TLL2: variants seen among roughly 807,000 people sequenced by gnomAD.
The protein encoded by TLL2 is tolloid like 2.
Under a neutral mutation model 123.0 loss-of-function variants are expected in TLL2, and 106 were observed. The observed-to-expected ratio is 0.86, with a 90% confidence interval of 0.74 to 1.01. The LOEUF is 1.01. TLL2 is among the 50% of genes least tolerant of loss of function. The probability of loss-of-function intolerance (pLI) is 0.00; values close to 1 mark genes in which losing one functional copy is unlikely to be tolerated. For missense variants in TLL2, 1,332 were observed against 1,336.7 expected, an observed-to-expected ratio of 1.00 and a Z score of 0.06; for synonymous variants, 494 against 516.8, an observed-to-expected ratio of 0.96 and a Z score of 0.60.
At chr10:96,378,614 C>A (rs546557242) in intron 17 of TLL2, among the ~76,000 whole-genome samples, 7 of 152,326 alleles carry the variant, frequency 4.6e-5, no homozygotes, top group Non-Finnish European at 1.0e-4. Context: ...TATGTTTAGA[C>A]CCTTTTAACT....
At chr10:96,513,413 G>A in intron 1 of TLL2, 98 bp downstream of exon 1, 1 of 1,499,744 alleles carries the variant, frequency 6.7e-7, no homozygotes, top group Non-Finnish European at 9.0e-7. Context: ...GGAGGGGAGG[G>A]GAGACCCGCC....
At chr10:96,501,148 T>A (rs1287174212) in intron 1 of TLL2, among the ~76,000 whole-genome samples, 1 of 152,254 alleles carries the variant, frequency 6.6e-6, no homozygotes, top group Non-Finnish European at 1.5e-5. Context: ...TTACTTCTAC[T>A]TGCTGTATGC....
chr10:96,445,000 T>A lies in TLL2; in HGVS notation c.364+1091A>T, dbSNP rs185710019. 4.8e-3 allele frequency among the ~76,000 whole-genome samples: 724 copies of A among 152,200 alleles called. 3 individuals carry two copies. The highest frequency in any genetic ancestry group is 0.017 in the African/African-American group (685 of 41,500). ...GTCAGCAGACCGAGACCATCCTGGC[T>A]AACACGGTGAAACCCCGTCTCTACT... On this transcript the variant is annotated intron_variant, in intron 3 of 20. Transcript: ENST00000357947.
chr10:96,376,573 C>G (rs1416625668), intron 18 of TLL2, 119 bp downstream of exon 18: 19 of 1,091,486 alleles, frequency 1.7e-5, no homozygotes, highest in Non-Finnish European at 2.3e-5. Flanking sequence ...GAAACTGAGA[C>G]CTGGAAATGT....
chr10:96,480,349 C>T lies in TLL2; in HGVS notation c.286G>A (p.Gly96Ser). Residue 96 changes from glycine (G) to serine (S), a missense_variant and splice_region_variant, in exon 2 of 21, where the codon GGT (glycine) becomes AGT (serine). Coordinates refer to ENST00000357947, the MANE Select transcript of TLL2 (RefSeq NM_012465.4). ...QTVGATGHST[G>S]GLEEQASESS... is the part of the protein sequence containing the mutation. ...GGAGAAGGGAGGAAGCAGTACCTAC[C>T]TGTGCTGTGTCCTGTTGCCCCCACT... The T allele has an allele frequency of 1.2e-6, 2 of 1,613,864 alleles. No individual in the cohort carries two copies. Among genetic ancestry groups the T allele is most frequent in the Non-Finnish European group, 1.7e-6 (2 of 1,179,736 alleles).
At chr10:96,399,825 A>T (rs1433942709) in intron 10 of TLL2, among the ~76,000 whole-genome samples, 1 of 152,182 alleles carries the variant, frequency 6.6e-6, no homozygotes, top group East Asian at 1.9e-4. Flanking sequence ...TCCAAAAGAG[A>T]GGGAGACTTT....
chr10:96,387,373 A>G (rs1399165807), intron 13 of TLL2, among the ~76,000 whole-genome samples: 1 of 152,214 alleles, frequency 6.6e-6, no homozygotes, highest in Non-Finnish European at 1.5e-5. Context: ...CGGTCATTTG[A>G]GACTTCAAAA....
rs1318014057 is a variant in TLL2 at position 96,364,737 on chromosome 10, G to A, written c.*3351C>T. 1 of 152,546 alleles carries A rather than the reference G, an allele frequency of 6.6e-6. No individual in the cohort carries two copies. The highest frequency in any genetic ancestry group is 6.5e-5 in the Admixed American group (1 of 15,286). The allele number at this position is 152,546 out of a possible 1,614,324, so 9.4% of individuals were successfully genotyped here. On this transcript the variant is annotated 3_prime_UTR_variant, in exon 21 of 21. Coordinates refer to ENST00000357947, the MANE Select transcript of TLL2 (RefSeq NM_012465.4). ...TACACAAAATAAAAAATACCCATAT[G>A]TTTACATATAATACTTTAAACAATT...
At chr10:96,414,494 C>T (rs1846535445) in intron 7 of TLL2, among the ~76,000 whole-genome samples, 1 of 152,094 alleles carries the variant, frequency 6.6e-6, no homozygotes, top group Non-Finnish European at 1.5e-5. Context: ...ATGGCTCTCT[C>T]TGAGCAGTGA....
chr10:96,387,408 G>T (rs1393907758), intron 13 of TLL2, among the ~76,000 whole-genome samples: 2 of 152,190 alleles, frequency 1.3e-5, no homozygotes, highest in East Asian at 3.8e-4. Flanking sequence ...CCATACCAAA[G>T]ACTTCATCCA....
At position 96,368,171 on chromosome 10, in the gene TLL2, T is replaced by C; in HGVS notation, c.2965A>G (p.Thr989Ala). The change falls in exon 21 of 21, where the codon ACA becomes GCA. Residue 989 changes from threonine (T) to alanine (A), a missense_variant. Transcript: ENST00000357947. ...CCTTTCTTGTTGATGGTGTCATCTG[T>C]GCGGAATCGAATCATCAGGGAATCA... Reference protein sequence around the residue: ...AGDSLMIRFRTDDTINKKGFH... With the variant: ...AGDSLMIRFRADDTINKKGFH... 1 of 1,614,202 alleles carries C rather than the reference T, an allele frequency of 6.2e-7. No individual in the cohort carries two copies. The highest frequency in any genetic ancestry group is 8.5e-7 in the Non-Finnish European group (1 of 1,180,036).
chr10:96,476,240 A>ATATATATATATATTTTTTTTTTT lies in TLL2; in HGVS notation c.286+4108_286+4109insAAAAAAAAAAATATATATATATA. 1.2e-3 allele frequency among the ~76,000 whole-genome samples: 25 copies of ATATATATATATATTTTTTTTTTT among 20,464 alleles called. 4 individuals carry two copies. The highest frequency in any genetic ancestry group is 1.9e-3 in the Non-Finnish European group (19 of 9,990). The allele number at this position is 20,464 out of a possible 152,430, so 13.4% of individuals were successfully genotyped here. A position where few individuals can be genotyped will look rare whatever the true frequency, so the allele number is the denominator to read the frequency against. On this transcript the variant is annotated intron_variant, in intron 2 of 20. Coordinates refer to ENST00000357947, the MANE Select transcript of TLL2 (RefSeq NM_012465.4). ...TTTATATGTATATATATATATATAT[A>ATATATATATATATTTTTTTTTTT]TTTTATTTTTGTTGTTGTTGTTGTT...
chr10:96,451,025 C>T (rs1846953880), intron 2 of TLL2, among the ~76,000 whole-genome samples: 1 of 152,142 alleles, frequency 6.6e-6, no homozygotes. Context: ...GAATGCCCTC[C>T]AGGCCTTGAA....
At chr10:96,486,072 G>T (rs1340815390) in intron 1 of TLL2, among the ~76,000 whole-genome samples, 1 of 152,154 alleles carries the variant, frequency 6.6e-6, no homozygotes, top group Admixed American at 6.5e-5. Flanking sequence ...GTGCTCACAT[G>T]TTCCTGAATC....
intron 6 of TLL2, among the ~76,000 whole-genome samples, chr10:96,422,104 G>C (rs1846630280): frequency 1.3e-5 from 2 of 151,840 alleles, no homozygotes; most frequent in African/African-American, 4.8e-5. Flanking sequence ...TTTCTAGGCA[G>C]AAACACTGTT....
chr10:96,388,841 G>T (rs4919009), intron 13 of TLL2, among the ~76,000 whole-genome samples: 140,509 of 152,266 alleles, frequency 0.92, 65,488 homozygotes, highest in East Asian at 1. Context: ...TTTCACATAG[G>T]GGACAGTGAA....
intron 2 of TLL2, among the ~76,000 whole-genome samples, chr10:96,460,905 C>T (rs764759432): frequency 4.6e-5 from 7 of 152,128 alleles, no homozygotes; most frequent in African/African-American, 4.8e-5. Context: ...AGGAAGCAGG[C>T]GCTACCCAGA....
chr10:96,389,272 G>A (rs746453331), intron 13 of TLL2, among the ~76,000 whole-genome samples: 6 of 152,168 alleles, frequency 3.9e-5, no homozygotes, highest in Non-Finnish European at 8.8e-5. Flanking sequence ...GGGTTGTGAC[G>A]ACTGAAAACG....
At chr10:96,384,108 G>A (rs1402331695) in intron 16 of TLL2, among the ~76,000 whole-genome samples, 2 of 152,096 alleles carry the variant, frequency 1.3e-5, no homozygotes, top group Non-Finnish European at 1.5e-5. Flanking sequence ...TCCAATGACT[G>A]GAGTCCTTCT....
Sources: gnomAD v4.1 joint callset for allele counts (sites outside exome capture counted in the v4.1 genomes callset) on GRCh38, gnomAD v4.1.1 for gene constraint, MANE v1.5 for transcripts, NCBI Gene and HGNC (gene_info 2026-07-23, HGNC 2026-07-21) for gene names.